The following NR1H3 variants were observed in gnomAD, a reference collection of about 807,000 sequenced individuals.
NR1H3 encodes oxysterols receptor LXR-alpha.
NR1H3 carries 19 observed loss-of-function variants against 48.1 expected under a neutral mutation model. The ratio of observed to expected loss-of-function variants is 0.40; its 90% CI spans 0.28 to 0.58. The LOEUF is 0.58. Ranked by LOEUF, NR1H3 falls within the 20% of genes least tolerant of loss-of-function variation. The pLI is 0.50. For synonymous variants in NR1H3, 232 were observed against 227.3 expected, an observed-to-expected ratio of 1.02 and a Z score of -0.19; for missense variants, 486 against 595.9, an observed-to-expected ratio of 0.82 and a Z score of 1.92.
chr11:47,265,015 C>T (rs567843400), intron 7 of NR1H3, among the ~76,000 whole-genome samples: 4 of 152,086 alleles, frequency 2.6e-5, no homozygotes, highest in South Asian at 2.1e-4. Context: ...GGCTTGCCGC[C>T]GGGCGTGGTG....
Position 47,265,917 on chromosome 11 carries a change from TACCATATATGCC to T in NR1H3, c.989-1993_989-1982del, listed in dbSNP as rs1478900509. Reference sequence around the variant, plus strand: ...ATTTTACAAACACTTATGTGGTAGTTACCATATATGCCACATATTTATGAGATAGGTACTATT... The same window carrying T: ...ATTTTACAAACACTTATGTGGTAGTTACATATTTATGAGATAGGTACTATT... On this transcript the variant is annotated intron_variant, in intron 7 of 9. Coordinates refer to ENST00000441012, the MANE Select transcript of NR1H3 (RefSeq NM_005693.4). Among the ~76,000 whole-genome samples, 5 of 152,302 alleles carry T rather than the reference TACCATATATGCC, an allele frequency of 3.3e-5. No homozygotes were observed. The South Asian group carries it at 1.0e-3, about 32-fold the overall frequency.
upstream of NR1H3, chr11:47,257,493 C>A: frequency 4.4e-6 from 1 of 227,552 alleles, no homozygotes; most frequent in Non-Finnish European, 7.3e-6. Flanking sequence ...CCCTGGATTT[C>A]TACCAGCTTG....
upstream of NR1H3, among the ~76,000 whole-genome samples, chr11:47,254,156 A>T (rs1389262297): frequency 2.0e-5 from 3 of 151,756 alleles, no homozygotes; most frequent in Non-Finnish European, 4.4e-5. Context: ...GCCCACCCCC[A>T]CTCCCACAAG....
chr11:47,251,943 G>A (rs1160880721), intron 1 of NR1H3, among the ~76,000 whole-genome samples: 3 of 151,946 alleles, frequency 2.0e-5, no homozygotes, highest in Non-Finnish European at 4.4e-5. Flanking sequence ...AGCGCAAGTA[G>A]ATAGTAGAGC....
Position 47,259,920 on chromosome 11 carries a change from T to TGGAGGCTGC in NR1H3, c.174_182dup (p.Ala60_Glu62dup). The TGGAGGCTGC allele has an allele frequency of 6.2e-7, 1 of 1,607,970 alleles. No individual in the cohort carries two copies. Among genetic ancestry groups the TGGAGGCTGC allele is most frequent in the East Asian group, 2.2e-5 (1 of 44,818 alleles). ...GCTGGGGGTACTGCAGGGGTGGGGC[T>TGGAGGCTGC]GGAGGCTGCAGAGCCCACAGCCCTG... On this transcript the variant is annotated inframe_insertion, in exon 3 of 10. Transcript: ENST00000441012.
chr11:47,267,615 TCTC>T (rs1365986038), intron 7 of NR1H3, among the ~76,000 whole-genome samples: 1 of 152,008 alleles, frequency 6.6e-6, no homozygotes, highest in Non-Finnish European at 1.5e-5. Flanking sequence ...TTCAAGCAAT[TCTC>T]CTGCCTCAGC....
At chr11:47,263,705 C>T (rs528491754) in intron 7 of NR1H3, among the ~76,000 whole-genome samples, 1 of 150,436 alleles carries the variant, frequency 6.6e-6, no homozygotes, top group East Asian at 2.0e-4. Context: ...CGGATTCAAA[C>T]GATTCCCCTG....
upstream of NR1H3, among the ~76,000 whole-genome samples, chr11:47,253,255 C>T (rs1294283799): frequency 4.6e-5 from 7 of 151,570 alleles, no homozygotes; most frequent in Middle Eastern, 6.8e-3. Context: ...AAGTGTGAGC[C>T]ACCACACCCA....
At chr11:47,251,045 GCTACT>G (rs1413081720) in intron 1 of NR1H3, among the ~76,000 whole-genome samples, 1 of 152,090 alleles carries the variant, frequency 6.6e-6, no homozygotes, top group Non-Finnish European at 1.5e-5. Context: ...GGTAGTCCCA[GCTACT>G]CAGGAGGCTG....
Position 47,260,414 on chromosome 11 carries a change from C to G in NR1H3, c.238C>G (p.Arg80Gly). ...AAGCACTTTCCTGTATCCAGAGATC[C>G]GTCCACAAAAGCGGAAAAAGGGGCC... ...AEPPSEPTEI[R>G]PQKRKKGPAP... The change falls in exon 4 of 10, where the codon CGT becomes GGT. Residue 80 changes from arginine to glycine, a missense_variant. By Grantham distance (125) the Arg-to-Gly change is moderately radical. Coordinates refer to ENST00000441012, the MANE Select transcript of NR1H3 (RefSeq NM_005693.4). 2 of 1,610,738 alleles carry G rather than the reference C, an allele frequency of 1.2e-6. No homozygotes were observed. The highest frequency in any genetic ancestry group is 1.7e-5 in the Admixed American group (1 of 59,754).
At chr11:47,267,525 T>C (rs890240021) in intron 7 of NR1H3, among the ~76,000 whole-genome samples, 1 of 151,938 alleles carries the variant, frequency 6.6e-6, no homozygotes, top group African/African-American at 2.4e-5. Flanking sequence ...TTTTTTTTTT[T>C]TTTGACGGAA....
chr11:47,267,011 TTAA>T (rs1956555099), intron 7 of NR1H3, among the ~76,000 whole-genome samples: 1 of 152,050 alleles, frequency 6.6e-6, no homozygotes, highest in Non-Finnish European at 1.5e-5. Flanking sequence ...CTCAAGAATT[TTAA>T]TGACAGAATT....
At chr11:47,253,129 T>TTGTGTGTGTGTGTGTGTGTG (rs1565175278), upstream of NR1H3, among the ~76,000 whole-genome samples, 2 of 68,800 alleles carry the variant, frequency 2.9e-5, no homozygotes, top group African/African-American at 1.8e-4. Context: ...TGGCTAATTT[T>TTGTGTGTGTGTGTGTGTGTG]TGTGCGTGTG....
intron 1 of NR1H3, among the ~76,000 whole-genome samples, chr11:47,249,321 T>TC (rs1253356286): frequency 6.6e-6 from 1 of 152,160 alleles, no homozygotes; most frequent in Non-Finnish European, 1.5e-5. Flanking sequence ...CCCTTTGGAC[T>TC]CCGTGTGTCC....
At chr11:47,267,101 G>C (rs1956566437) in intron 7 of NR1H3, among the ~76,000 whole-genome samples, 1 of 151,944 alleles carries the variant, frequency 6.6e-6, no homozygotes. Context: ...GAGTCCAGGA[G>C]TTCGAGACCA....
chr11:47,256,785 C>A (rs1278294343), upstream of NR1H3, among the ~76,000 whole-genome samples: 1 of 144,338 alleles, frequency 6.9e-6, no homozygotes, highest in African/African-American at 2.6e-5. Context: ...GGCAGGAGTG[C>A]AGTGGCGCAA....
At chr11:47,248,800 A>C (rs776931073), upstream of NR1H3, 1 of 1,582,194 alleles carries the variant, frequency 6.3e-7, no homozygotes, top group Non-Finnish European at 8.6e-7. Context: ...CACCGTTGTA[A>C]TCTATGCAGC....
In NR1H3 at chr11:47,259,236, C is replaced by A. The variant is rs754842510; in HGVS notation, c.20C>A (p.Ala7Asp). The A allele has an allele frequency of 2.5e-6, 4 of 1,614,122 alleles. No homozygotes were observed. Among genetic ancestry groups the A allele is most frequent in the Non-Finnish European group, 3.4e-6 (4 of 1,179,998 alleles). MSLWLG[A>D]PVPDIPPDSA... is the part of the protein sequence containing the mutation. ...GAAGAGATGTCCTTGTGGCTGGGGGCCCCTGTGCCTGACATTCCTCCTGGT... is the reference window on the plus strand; with the variant it reads ...GAAGAGATGTCCTTGTGGCTGGGGGACCCTGTGCCTGACATTCCTCCTGGT... Residue 7 changes from alanine (A) to aspartate (D), a missense_variant, in exon 2 of 10, where the codon GCC becomes GAC. Coordinates refer to ENST00000441012, the MANE Select transcript of NR1H3 (RefSeq NM_005693.4).
intron 1 of NR1H3, among the ~76,000 whole-genome samples, chr11:47,252,596 CAG>C (rs1954754706): frequency 6.8e-6 from 1 of 147,802 alleles, no homozygotes; most frequent in African/African-American, 2.5e-5. Flanking sequence ...GTTTTTGTGA[CAG>C]AGTCTCCCAC....
Sources: allele counts gnomAD v4.1 joint callset (sites outside exome capture counted in the v4.1 genomes callset), GRCh38; gene constraint gnomAD v4.1.1; transcripts MANE v1.5; gene names NCBI Gene and HGNC (gene_info 2026-07-23, HGNC 2026-07-21).